Variants in CHIC2 observed in about 807,000 individuals in gnomAD.
CHIC2 encodes cysteine-rich hydrophobic domain-containing protein 2.
In CHIC2, 14 loss-of-function variants were observed where a neutral mutation model predicts 25.9. The observed-to-expected ratio is 0.54, with a 90% CI of 0.36 to 0.85. The LOEUF is 0.85. Ranked by LOEUF, CHIC2 falls within the 40% of genes least tolerant of loss-of-function variation. CHIC2 has a pLI of 0.01. For missense variants in CHIC2, 146 were observed against 202.0 expected (o/e 0.72, Z 1.68); for synonymous variants, 70 against 72.0 (o/e 0.97, Z 0.14).
the CHIC2 span, among the ~76,000 whole-genome samples, chr4:54,088,504 G>T: frequency 6.6e-6 from 1 of 152,208 alleles, no homozygotes; most frequent in African/African-American, 2.4e-5. Context: ...AGGTGAGGAA[G>T]TAAGACGTGT....
At chr4:54,018,506 G>A (rs1715808247) in intron 3 of CHIC2, among the ~76,000 whole-genome samples, 1 of 152,110 alleles carries the variant, frequency 6.6e-6, no homozygotes, top group South Asian at 2.1e-4. Flanking sequence ...TTACTTAAGA[G>A]TTTCCTAATT....
At chr4:54,054,384 C>T (rs1228611214) in intron 1 of CHIC2, among the ~76,000 whole-genome samples, 4 of 152,160 alleles carry the variant, frequency 2.6e-5, no homozygotes, top group Non-Finnish European at 5.9e-5. Flanking sequence ...GAACTCATAA[C>T]GAATTTTGCT....
chr4:54,071,427 A>T, the CHIC2 span, among the ~76,000 whole-genome samples: 1 of 152,260 alleles, frequency 6.6e-6, no homozygotes, highest in African/African-American at 2.4e-5. Context: ...ACATTCCTAT[A>T]ACATAGGTAC....
chr4:54,084,672 G>T, the CHIC2 span, among the ~76,000 whole-genome samples: 2 of 152,038 alleles, frequency 1.3e-5, no homozygotes, highest in Non-Finnish European at 2.9e-5. Flanking sequence ...AAGCACAGTG[G>T]CTTACACCTG....
the CHIC2 span, among the ~76,000 whole-genome samples, chr4:54,080,144 A>G: frequency 1.3e-4 from 19 of 148,082 alleles, no homozygotes; most frequent in African/African-American, 4.7e-4. Context: ...ATATGTGTAT[A>G]TATGTGTATA....
chr4:54,067,296 C>CTGTG (rs5858255), upstream of CHIC2, among the ~76,000 whole-genome samples: 13 of 149,772 alleles, frequency 8.7e-5, 1 homozygote, highest in East Asian at 9.9e-4. Flanking sequence ...GTGTGTGTGT[C>CTGTG]TGTGTGTGTG....
intron 3 of CHIC2, among the ~76,000 whole-genome samples, chr4:54,044,164 G>C (rs1716693006): frequency 6.6e-6 from 1 of 152,148 alleles, no homozygotes; most frequent in Non-Finnish European, 1.5e-5. Context: ...CAAGTCCTTA[G>C]TGACCTACAA....
the CHIC2 span, chr4:54,087,487 T>C: frequency 1.1e-6 from 1 of 893,526 alleles, no homozygotes; most frequent in South Asian, 2.9e-5. Context: ...TAAAAGAATA[T>C]TTCGACGTGA....
At chr4:54,026,420 T>C (rs1197849410) in intron 3 of CHIC2, among the ~76,000 whole-genome samples, 1 of 151,912 alleles carries the variant, frequency 6.6e-6, no homozygotes, top group Non-Finnish European at 1.5e-5. Context: ...CTTGGGAGAC[T>C]GAGGTAGGAA....
chr4:54,011,262 G>GA (rs1715575650), intron 5 of CHIC2, among the ~76,000 whole-genome samples: 2 of 152,128 alleles, frequency 1.3e-5, no homozygotes, highest in Admixed American at 6.5e-5. Context: ...CAATAAAGAA[G>GA]ATACACTTCT....
intron 3 of CHIC2, among the ~76,000 whole-genome samples, chr4:54,025,311 G>A (rs541193556): frequency 2.0e-5 from 3 of 152,078 alleles, no homozygotes; most frequent in African/African-American, 7.2e-5. Flanking sequence ...CCTTAAGAAG[G>A]TTCTTTGTAA....
chr4:54,087,274 AAT>A, the CHIC2 span: 2 of 586,058 alleles, frequency 3.4e-6, no homozygotes, highest in Non-Finnish European at 6.1e-6. Flanking sequence ...TTAAGAACAG[AAT>A]GGAAGTTAAA....
Position 54,064,419 on chromosome 4 carries a change from C to T in CHIC2, c.-119G>A, listed in dbSNP as rs1211738683. ...GCCGCTGCCGCCGGCTCCGAGGCCG[C>T]GGAGTTCGCTGTCGGCTGTCTCGGC... On this transcript the variant is annotated 5_prime_UTR_variant, in exon 1 of 6. Coordinates refer to ENST00000263921, the MANE Select transcript of CHIC2 (RefSeq NM_012110.4). The surrounding 1 kb of genome is among the most constrained non-coding windows in gnomAD (Gnocchi z 4.2). The T allele has an allele frequency of 2.0e-6, 3 of 1,528,394 alleles. No homozygotes were observed. Among genetic ancestry groups the T allele is most frequent in the Admixed American group, 2.3e-5 (1 of 43,372 alleles). The allele number at this position is 1,528,394 out of a possible 1,614,324, so 94.7% of individuals were successfully genotyped here. A position where few individuals can be genotyped will look rare whatever the true frequency, so the allele number is the denominator to read the frequency against.
At chr4:54,062,596 C>T (rs1018786520) in intron 1 of CHIC2, among the ~76,000 whole-genome samples, 3 of 152,134 alleles carry the variant, frequency 2.0e-5, no homozygotes, top group Non-Finnish European at 2.9e-5. Flanking sequence ...TTTCCACTTG[C>T]CCAACAAAGT....
the CHIC2 span, among the ~76,000 whole-genome samples, chr4:54,071,350 T>C: frequency 2.0e-5 from 3 of 152,236 alleles, no homozygotes; most frequent in African/African-American, 7.2e-5. Flanking sequence ...ATAACACATA[T>C]AGTATTCCAA....
intron 3 of CHIC2, among the ~76,000 whole-genome samples, chr4:54,021,745 C>T (rs540818681): frequency 3.3e-5 from 5 of 152,066 alleles, no homozygotes; most frequent in Non-Finnish European, 7.3e-5. Flanking sequence ...TGGCAACAAC[C>T]CTTTGACGTT....
upstream of CHIC2, among the ~76,000 whole-genome samples, chr4:54,065,125 C>G (rs1047456268): frequency 1.3e-5 from 2 of 152,172 alleles, no homozygotes; most frequent in Non-Finnish European, 2.9e-5. Flanking sequence ...CCAGCAGAGA[C>G]ACTGCAAACA....
intron 3 of CHIC2, among the ~76,000 whole-genome samples, chr4:54,032,391 G>C (rs917738526): frequency 1.3e-5 from 2 of 151,106 alleles, no homozygotes; most frequent in East Asian, 3.9e-4. Flanking sequence ...TCAGCCTGCC[G>C]AGTGCCTGCG....
At chr4:54,088,760 T>C in the CHIC2 span, among the ~76,000 whole-genome samples, 659 of 152,350 alleles carry the variant, frequency 4.3e-3, 4 homozygotes, top group Admixed American at 7.4e-3. Context: ...GTCATCCCTA[T>C]GCAGTGGTGA....
Sources: gnomAD v4.1 joint callset for allele counts (sites outside exome capture counted in the v4.1 genomes callset) on GRCh38, gnomAD v4.1.1 for gene constraint, Gnocchi (gnomAD v3.1) non-coding constraint, MANE v1.5 for transcripts, NCBI Gene and HGNC (gene_info 2026-07-23, HGNC 2026-07-21) for gene names.